Variants in CALB2 observed in about 807,000 individuals in gnomAD.
CALB2 encodes the protein calretinin.
A neutral mutation model predicts 45.9 loss-of-function variants in CALB2; 34 were observed. The ratio of observed to expected loss-of-function variants is 0.74; its 90% CI spans 0.56 to 0.99. CALB2 has a LOEUF of 0.99. CALB2 is among the 50% of genes least tolerant of loss of function. The pLI, the probability that CALB2 is intolerant of heterozygous loss-of-function variation, is 0.00. For synonymous variants in CALB2, 142 were observed against 129.6 expected, an observed-to-expected ratio of 1.10 and a Z score of -0.65; for missense variants, 344 against 339.3, an observed-to-expected ratio of 1.01 and a Z score of -0.11.
At chr16:71,379,084 C>T (rs965564038) in intron 4 of CALB2, among the ~76,000 whole-genome samples, 2 of 152,084 alleles carry the variant, frequency 1.3e-5, no homozygotes, top group Non-Finnish European at 2.9e-5. Context: ...TGAGGCCAGC[C>T]TGGGCAACAT....
intron 4 of CALB2, among the ~76,000 whole-genome samples, chr16:71,382,124 A>AAAAGGAAGGAAAG (rs2042502942): frequency 2.9e-5 from 1 of 34,372 alleles, no homozygotes; most frequent in Non-Finnish European, 8.4e-5. Flanking sequence ...AAAGGAAGAA[A>AAAAGGAAGGAAAG]AAGGAAGGAA....
intron 1 of CALB2, among the ~76,000 whole-genome samples, chr16:71,360,157 A>C (rs754987701): frequency 3.3e-5 from 5 of 152,136 alleles, no homozygotes; most frequent in Non-Finnish European, 5.9e-5. Context: ...GCCTCACTCC[A>C]TTCTTCCCTC....
At chr16:71,365,909 G>A (rs1377142757) in intron 1 of CALB2, among the ~76,000 whole-genome samples, 1 of 151,802 alleles carries the variant, frequency 6.6e-6, no homozygotes, top group Non-Finnish European at 1.5e-5. Context: ...TTCTGGGGAT[G>A]GGGCCAAGGC....
chr16:71,374,617 G>A, intron 2 of CALB2, 128 bp from the exon 3 acceptor site: 1 of 638,866 alleles, frequency 1.6e-6, no homozygotes, highest in Non-Finnish European at 2.9e-6. Context: ...TGATCAATCA[G>A]AGCATCAGCA....
chr16:71,359,334 C>T (rs1407585879), intron 1 of CALB2, among the ~76,000 whole-genome samples: 6 of 152,192 alleles, frequency 3.9e-5, no homozygotes, highest in Admixed American at 2.0e-4. Flanking sequence ...TTAGGGGATC[C>T]TGAAGGGAAA....
At chr16:71,379,267 TGTCTAATA>T (rs1567540937) in intron 4 of CALB2, among the ~76,000 whole-genome samples, 3 of 141,034 alleles carry the variant, frequency 2.1e-5, no homozygotes, top group South Asian at 2.5e-4. Flanking sequence ...ACAAAGACTC[TGTCTAATA>T]AATAAATAAA....
chr16:71,380,206 T>A (rs1344342977), intron 4 of CALB2, among the ~76,000 whole-genome samples: 2 of 150,978 alleles, frequency 1.3e-5, no homozygotes, highest in Non-Finnish European at 3.0e-5. Context: ...CCGGACCCTT[T>A]TCTCTTTCTC....
chr16:71,377,855 A>G (rs2042436065), intron 4 of CALB2, 108 bp downstream of exon 4: 10 of 737,482 alleles, frequency 1.4e-5, no homozygotes, highest in Non-Finnish European at 1.4e-5. Flanking sequence ...GAGATGCTAA[A>G]CCCCTTAGAG....
intron 1 of CALB2, among the ~76,000 whole-genome samples, chr16:71,370,565 A>G (rs1567536922): frequency 6.6e-6 from 1 of 151,856 alleles, no homozygotes; most frequent in Non-Finnish European, 1.5e-5. Flanking sequence ...AGATATCCAT[A>G]TTTTTTTTAA....
At chr16:71,382,029 G>GAGGAGGAGA (rs1423993969) in intron 4 of CALB2, among the ~76,000 whole-genome samples, 2 of 127,888 alleles carry the variant, frequency 1.6e-5, no homozygotes, top group Admixed American at 1.6e-4. Context: ...GGAGGAGGAG[G>GAGGAGGAGA]AGGAGGAGGA....
At chr16:71,385,245 C>T (rs917753574) in intron 9 of CALB2, 7 of 336,072 alleles carry the variant, frequency 2.1e-5, no homozygotes, top group South Asian at 6.3e-5. Context: ...CACATGACTC[C>T]GGTGGTTTTC....
rs192248746 is a variant in CALB2, at chr16:71,378,266, A to C, written c.342+519A>C. ...AAAGGGAGAAAGGCCTGTAATCCCT[A>C]CTCAAGGAGGCTAAGGCAGGAGGAT... On this transcript the variant is annotated intron_variant, in intron 4 of 10. Coordinates refer to ENST00000302628, the MANE Select transcript of CALB2 (RefSeq NM_001740.5). 3.3e-5 allele frequency among the ~76,000 whole-genome samples: 5 copies of C among 152,106 alleles called. No individual in the cohort carries two copies. The East Asian group carries it at 9.7e-4, about 29-fold the overall frequency.
At chr16:71,379,562 A>G (rs2042461836) in intron 4 of CALB2, among the ~76,000 whole-genome samples, 1 of 152,172 alleles carries the variant, frequency 6.6e-6, no homozygotes, top group Non-Finnish European at 1.5e-5. Flanking sequence ...CCACACTCTA[A>G]CCATTCAGCA....
intron 2 of CALB2, among the ~76,000 whole-genome samples, chr16:71,373,200 C>T (rs565554298): frequency 1.8e-4 from 28 of 152,234 alleles, no homozygotes; most frequent in African/African-American, 6.5e-4. Flanking sequence ...CCTCTGGAGG[C>T]GTCTCTACTC....
In CALB2 at chr16:71,364,492, C is replaced by T. The variant is rs577650469; in HGVS notation, c.94+5606C>T. On this transcript the variant is annotated intron_variant, in intron 1 of 10. Transcript: ENST00000302628. Reference sequence around the variant, plus strand: ...CAGTGCCTCTCCAGCCCCAGCCTGCCGGCGGATTGCATCCCAGGCCCTCCT... The same window carrying T: ...CAGTGCCTCTCCAGCCCCAGCCTGCTGGCGGATTGCATCCCAGGCCCTCCT... 2.0e-4 allele frequency among the ~76,000 whole-genome samples: 31 copies of T among 152,310 alleles called. No individual in the cohort carries two copies. The East Asian group carries it at 4.8e-3, about 24-fold the overall frequency.
chr16:71,384,783 G>C lies in CALB2; in HGVS notation c.574G>C (p.Gly192Arg). The change falls in exon 9 of 11, where the codon GGC becomes CGC. Residue 192 changes from glycine to arginine, a missense_variant and splice_region_variant. Around this residue, in one of 3 missense-constraint regions of CALB2, gnomAD observed 263 missense variants for 241.7 expected, o/e 1.09. Transcript: ENST00000302628. ...GTCTTTAATACCCTGGTTCTTGCAG[G>C]GCATGAAGCTGACCTCAGAGGAGTT... ...VQENFLLKFQ[G>R]MKLTSEEFNA... The C allele has an allele frequency of 6.9e-7, 1 of 1,456,450 alleles. No homozygotes were observed. Among genetic ancestry groups the C allele is most frequent in the Non-Finnish European group, 9.1e-7 (1 of 1,096,700 alleles). 90.2% of individuals were successfully genotyped at this position (1,456,450 alleles called of 1,614,324 possible).
At chr16:71,359,465 A>G (rs2042216190) in intron 1 of CALB2, among the ~76,000 whole-genome samples, 1 of 152,128 alleles carries the variant, frequency 6.6e-6, no homozygotes, top group South Asian at 2.1e-4. Flanking sequence ...GTTTCCCAAT[A>G]CAGCAGCAGT....
At chr16:71,374,118 T>A (rs904548839) in intron 2 of CALB2, among the ~76,000 whole-genome samples, 36 of 152,356 alleles carry the variant, frequency 2.4e-4, no homozygotes, top group African/African-American at 7.9e-4. Context: ...TTCAAGTCTA[T>A]ATTTAAGATA....
At chr16:71,377,600 G>C (rs2042431967) in intron 3 of CALB2, 67 bp from the exon 4 acceptor site, 1 of 1,137,338 alleles carries the variant, frequency 8.8e-7, no homozygotes, top group Admixed American at 1.8e-5. Context: ...CCTTCTTAGG[G>C]GAAAATCTGC....
Sources: gnomAD v4.1 joint callset for allele counts (sites outside exome capture counted in the v4.1 genomes callset) on GRCh38, gnomAD v4.1.1 for gene constraint, gnomAD v4.1.1 regional missense constraint, MANE v1.5 for transcripts, NCBI Gene and HGNC (gene_info 2026-07-23, HGNC 2026-07-21) for gene names.